The following OCA2 variants were observed in gnomAD, a reference collection of about 807,000 sequenced individuals.
The protein encoded by OCA2 is P protein.
OCA2 carries 77 observed loss-of-function variants against 100.2 expected under a neutral mutation model. The ratio of observed to expected loss-of-function variants is 0.77; its 90% CI spans 0.64 to 0.93. OCA2 has a LOEUF of 0.93. Among genes scored for constraint, OCA2 ranks in the 40% least tolerant of loss-of-function variants. The pLI, the probability that OCA2 is intolerant of heterozygous loss-of-function variation, is 0.00. For synonymous variants in OCA2, 432 were observed against 439.2 expected, an observed-to-expected ratio of 0.98 and a Z score of 0.21; for missense variants, 1,062 against 1,089.1, an observed-to-expected ratio of 0.98 and a Z score of 0.35.
In OCA2 at chr15:28,032,079, G is replaced by A. The variant is rs775635709; in HGVS notation, c.312C>T (p.Ser104=). 3 of 1,612,688 alleles carry A rather than the reference G, an allele frequency of 1.9e-6. No individual in the cohort carries two copies. In the African/African-American group the frequency reaches 4.0e-5, roughly 22 times the overall value. ...FTENTPLLRN[S]LQEKGSRCIP... ...AAATATCTCACCCTTTCTCCTGTAA[G>A]GAATTCCTCAGCAAAGGAGTGTTTT... The change falls in exon 3 of 24, where the codon TCC becomes TCT. Residue 104 remains serine, a synonymous_variant. Coordinates refer to ENST00000354638, the MANE Select transcript of OCA2 (RefSeq NM_000275.3).
rs998737597 is a variant in OCA2 at position 27,929,761 on chromosome 15, A to AAT, written c.1952-3509_1952-3508dup. ...TATCTGATAAAAGACTAATATCTAG[A>AAT]ATATATATATATAAATTTTTAATTC... On this transcript the variant is annotated intron_variant, in intron 18 of 23. Coordinates refer to ENST00000354638, the MANE Select transcript of OCA2 (RefSeq NM_000275.3). Among the ~76,000 whole-genome samples the AAT allele has an allele frequency of 5.6e-5, 7 of 125,020 alleles. No homozygotes were observed. In the East Asian group the frequency reaches 6.8e-4, roughly 12 times the overall value. 82.0% of individuals were successfully genotyped at this position (125,020 alleles called of 152,430 possible). A position where few individuals can be genotyped will look rare whatever the true frequency, so the allele number is the denominator to read the frequency against.
At position 27,824,602 on chromosome 15, in the gene OCA2, C is replaced by CTCTCTATA; in HGVS notation, c.2432+20356_2432+20357insTATAGAGA. Among the ~76,000 whole-genome samples the CTCTCTATA allele has an allele frequency of 2.7e-4, 13 of 47,600 alleles. 1 individual carries two copies. The highest frequency in any genetic ancestry group is 1.9e-3 in the African/African-American group (12 of 6,326). 31.2% of individuals were successfully genotyped at this position (47,600 alleles called of 152,430 possible). On this transcript the variant is annotated intron_variant, in intron 23 of 23. Coordinates refer to ENST00000354638, the MANE Select transcript of OCA2 (RefSeq NM_000275.3). ...TTTCTCTCTCTCTCTCTCTCTCTCT[C>CTCTCTATA]TATATATATATATATATATAATATA...
At chr15:27,739,834 C>T in the OCA2 span, among the ~76,000 whole-genome samples, 4 of 152,152 alleles carry the variant, frequency 2.6e-5, no homozygotes, top group Non-Finnish European at 5.9e-5. Flanking sequence ...CATCTCCCTC[C>T]ATGCACCCAT....
chr15:27,792,900 G>T (rs1003439026), intron 23 of OCA2, among the ~76,000 whole-genome samples: 1 of 152,226 alleles, frequency 6.6e-6, no homozygotes, highest in Admixed American at 6.5e-5. Context: ...CGCCCTGTGT[G>T]GCCCACCTTG....
At chr15:27,801,574 AAAGAAGG>A (rs2033617085) in intron 23 of OCA2, among the ~76,000 whole-genome samples, 1 of 151,056 alleles carries the variant, frequency 6.6e-6, no homozygotes, top group East Asian at 1.9e-4. Flanking sequence ...AAAAAAAAAA[AAAGAAGG>A]ATAACAATAC....
intron 23 of OCA2, among the ~76,000 whole-genome samples, chr15:27,805,851 A>G (rs1247145701): frequency 6.6e-6 from 1 of 152,048 alleles, no homozygotes; most frequent in East Asian, 1.9e-4. Context: ...AGACCCTCAC[A>G]CGCCCGGGGC....
intron 2 of OCA2, among the ~76,000 whole-genome samples, chr15:28,054,172 A>G (rs957999778): frequency 5.9e-5 from 9 of 152,132 alleles, no homozygotes; most frequent in African/African-American, 9.7e-5. Context: ...TATTATAGGT[A>G]TATGTGTGTA....
chr15:27,827,188 CATCTG>C (rs1439676829), intron 23 of OCA2, among the ~76,000 whole-genome samples: 2 of 152,230 alleles, frequency 1.3e-5, no homozygotes, highest in African/African-American at 4.8e-5. Context: ...GAAGCCGGCA[CATCTG>C]ACAATTACAC....
At chr15:28,073,722 T>C (rs1024918327) in intron 2 of OCA2, among the ~76,000 whole-genome samples, 1 of 152,208 alleles carries the variant, frequency 6.6e-6, no homozygotes, top group African/African-American at 2.4e-5. Context: ...ATGTAACAAA[T>C]CTGCACATGG....
intron 21 of OCA2, among the ~76,000 whole-genome samples, chr15:27,856,701 A>AACACAC (rs34330347): frequency 2.1e-4 from 31 of 145,800 alleles, no homozygotes; most frequent in African/African-American, 6.2e-4. Flanking sequence ...ACACACCCCT[A>AACACAC]ACACACACAC....
chr15:27,918,583 C>T (rs2038751780), intron 19 of OCA2, among the ~76,000 whole-genome samples: 1 of 152,160 alleles, frequency 6.6e-6, no homozygotes, highest in Admixed American at 6.6e-5. Flanking sequence ...GTTTTGTTGA[C>T]ATTAGTTTCA....
intron 23 of OCA2, among the ~76,000 whole-genome samples, chr15:27,831,279 C>T (rs2034940734): frequency 3.0e-5 from 1 of 33,100 alleles, no homozygotes; most frequent in African/African-American, 8.9e-5. Flanking sequence ...AGCGAGACTC[C>T]GTCTCAAAAA....
intron 19 of OCA2, among the ~76,000 whole-genome samples, chr15:27,879,999 T>G (rs2036949585): frequency 6.6e-6 from 1 of 152,222 alleles, no homozygotes; most frequent in Non-Finnish European, 1.5e-5. Context: ...TATATTTAAG[T>G]CTTTAATCCA....
chr15:27,969,604 T>C lies in OCA2; in HGVS notation c.1504-2782A>G, dbSNP rs372979421. 2.7e-3 allele frequency among the ~76,000 whole-genome samples: 417 copies of C among 152,366 alleles called. 21 individuals carry two copies. The South Asian group carries it at 0.081, about 30-fold the overall frequency. ...ACTTCTGCTTTGTATTGTTTTATTA[T>C]AGGCTCCACTCAGTCATTTTCTTCT... is the stretch of plus-strand genomic sequence containing the variant. On this transcript the variant is annotated intron_variant, in intron 14 of 23. Transcript: ENST00000354638.
chr15:27,988,471 G>A (rs2041434619), intron 11 of OCA2, among the ~76,000 whole-genome samples: 1 of 152,058 alleles, frequency 6.6e-6, no homozygotes, highest in African/African-American at 2.4e-5. Context: ...ATAGGATGAG[G>A]GTCTCAGGAA....
rs373764441 is a variant in OCA2, at chr15:27,880,029, T to C, written c.2080-8107A>G. Among the ~76,000 whole-genome samples, 57 of 152,356 alleles carry C rather than the reference T, an allele frequency of 3.7e-4. 1 individual carries two copies. In the East Asian group the frequency reaches 0.011, roughly 29 times the overall value. On this transcript the variant is annotated intron_variant, in intron 19 of 23. Coordinates refer to ENST00000354638, the MANE Select transcript of OCA2 (RefSeq NM_000275.3). The stretch of plus-strand genomic sequence containing the variant: ...AATCCATCTTGAGTTAATTTTTGTA[T>C]AAGGTGTAAGGAAAGGGTTCAGTTT...
chr15:27,913,838 G>GAAAGAAAA (rs1555430803), intron 19 of OCA2, among the ~76,000 whole-genome samples: 1 of 37,062 alleles, frequency 2.7e-5, no homozygotes, highest in Admixed American at 3.9e-4. Context: ...AAGAAAGAAA[G>GAAAGAAAA]GAAAGAAAGA....
At chr15:27,866,781 G>A (rs2036342679) in intron 21 of OCA2, among the ~76,000 whole-genome samples, 2 of 152,192 alleles carry the variant, frequency 1.3e-5, no homozygotes, top group Admixed American at 6.5e-5. Flanking sequence ...AAGCCTCCTC[G>A]GAGATCTGTT....
chr15:27,881,220 G>A (rs764171877), intron 19 of OCA2, among the ~76,000 whole-genome samples: 3 of 152,260 alleles, frequency 2.0e-5, no homozygotes, highest in Non-Finnish European at 2.9e-5. Context: ...CGACTTGATC[G>A]TGGTGGATAA....
Sources: gnomAD v4.1 joint callset for allele counts (sites outside exome capture counted in the v4.1 genomes callset) on GRCh38, gnomAD v4.1.1 for gene constraint, MANE v1.5 for transcripts, NCBI Gene and HGNC (gene_info 2026-07-23, HGNC 2026-07-21) for gene names.